Variants in TBC1D14 observed in about 807,000 individuals in gnomAD.
TBC1D14 encodes the protein TBC1 domain family member 14.
TBC1D14 carries 26 observed loss-of-function variants against 79.0 expected under a neutral mutation model. The observed-to-expected ratio is 0.33, with a 90% confidence interval of 0.24 to 0.46. The LOEUF is 0.46. Among genes scored for constraint, TBC1D14 ranks in the 20% least tolerant of loss-of-function variants. The pLI, the probability that TBC1D14 is intolerant of heterozygous loss-of-function variation, is 1.00. For missense variants in TBC1D14, 769 were observed against 887.6 expected (o/e 0.87, Z 1.70); for synonymous variants, 394 against 349.9 (o/e 1.13, Z -1.40).
At chr4:6,969,436 C>T (rs1716022439) in intron 3 of TBC1D14, among the ~76,000 whole-genome samples, 2 of 151,774 alleles carry the variant, frequency 1.3e-5, no homozygotes, top group African/African-American at 4.8e-5. Flanking sequence ...GACGGAGTCT[C>T]ACTCTGTCGC....
Position 7,025,029 on chromosome 4 carries a change from C to T in TBC1D14, c.1783C>T (p.Leu595=), listed in dbSNP as rs369047271. The change falls in exon 13 of 14, where the codon CTG becomes TTG. Residue 595 remains leucine, a synonymous_variant. Coordinates refer to ENST00000409757, the MANE Select transcript of TBC1D14 (RefSeq NM_020773.3). The part of the protein sequence containing the change: ...DWIFTLYSKS[L]PLDLACRIWD... ...GATCTTTACCTTATATAGTAAATCT[C>T]TGCCCCTCGACCTGGCCTGTCGTAT... 5.0e-6 allele frequency: 8 copies of T among 1,614,106 alleles called. No homozygotes were observed. Among genetic ancestry groups the T allele is most frequent in the Non-Finnish European group, 6.8e-6 (8 of 1,180,048 alleles).
chr4:6,911,442 C>G (rs1323993081), intron 1 of TBC1D14, among the ~76,000 whole-genome samples: 1 of 152,236 alleles, frequency 6.6e-6, no homozygotes, highest in Non-Finnish European at 1.5e-5. Context: ...TCGGTATCCT[C>G]CGCTGTTCCA....
chr4:6,962,599 A>G (rs1202415775), intron 2 of TBC1D14, among the ~76,000 whole-genome samples: 1 of 152,062 alleles, frequency 6.6e-6, no homozygotes, highest in Non-Finnish European at 1.5e-5. Flanking sequence ...AAACAAAAGG[A>G]GTCCAGCATT....
intron 2 of TBC1D14, among the ~76,000 whole-genome samples, chr4:6,963,826 C>G (rs1056541963): frequency 1.3e-5 from 2 of 152,202 alleles, no homozygotes; most frequent in African/African-American, 4.8e-5. Flanking sequence ...GACTGAGTCT[C>G]ACTGTGTCAC....
chr4:6,979,125 C>T (rs1717123628), intron 3 of TBC1D14, among the ~76,000 whole-genome samples: 1 of 151,580 alleles, frequency 6.6e-6, no homozygotes, highest in South Asian at 2.1e-4. Context: ...TGGCAAAAAA[C>T]ATAATAGAGA....
intron 2 of TBC1D14, among the ~76,000 whole-genome samples, chr4:6,939,979 G>A (rs957372592): frequency 5.9e-5 from 9 of 152,224 alleles, no homozygotes; most frequent in African/African-American, 2.2e-4. Context: ...TGAGAAATGG[G>A]CACCAGCGGC....
At chr4:6,983,022 T>TA (rs1008625578) in intron 3 of TBC1D14, among the ~76,000 whole-genome samples, 1 of 152,156 alleles carries the variant, frequency 6.6e-6, no homozygotes, top group African/African-American at 2.4e-5. Context: ...CATGTCTACT[T>TA]AAAAGAATTT....
intron 2 of TBC1D14, among the ~76,000 whole-genome samples, chr4:6,931,723 G>C (rs867822476): frequency 2.0e-5 from 3 of 152,038 alleles, no homozygotes; most frequent in African/African-American, 7.2e-5. Context: ...AGTGGCTGCT[G>C]TGTACCAAGC....
chr4:6,938,946 G>A (rs1188077681), intron 2 of TBC1D14, among the ~76,000 whole-genome samples: 1 of 152,028 alleles, frequency 6.6e-6, no homozygotes, highest in East Asian at 1.9e-4. Context: ...TTGTGCAGTA[G>A]TGCAGCAGCG....
intron 2 of TBC1D14, among the ~76,000 whole-genome samples, chr4:6,953,056 C>T (rs1211882406): frequency 6.7e-5 from 9 of 134,730 alleles, no homozygotes; most frequent in African/African-American, 2.5e-4. Context: ...GACAGAGCCT[C>T]GCTCTGTTGC....
chr4:6,941,110 C>T (rs1256031142), intron 2 of TBC1D14, among the ~76,000 whole-genome samples: 1 of 151,782 alleles, frequency 6.6e-6, no homozygotes, highest in African/African-American at 2.4e-5. Context: ...TTCTGAATCC[C>T]ACCTGGGTTT....
chr4:6,989,472 G>A (rs1267070130), intron 3 of TBC1D14, among the ~76,000 whole-genome samples: 1 of 152,186 alleles, frequency 6.6e-6, no homozygotes, highest in African/African-American at 2.4e-5. Flanking sequence ...TTACCTGTCT[G>A]TCCACTCAGC....
chr4:7,004,825 C>G lies in TBC1D14; in HGVS notation c.1271-19C>G. The G allele has an allele frequency of 1.9e-5, 30 of 1,613,572 alleles. No individual in the cohort carries two copies. The highest frequency in any genetic ancestry group is 2.4e-5 in the Non-Finnish European group (28 of 1,179,626). ...AAATACATGTGCACGTAATACTTAC[C>G]CAGAGGCTTTTCTTCCAGAGCTCTT... On this transcript the variant is annotated intron_variant, in intron 7 of 13. Coordinates refer to ENST00000409757, the MANE Select transcript of TBC1D14 (RefSeq NM_020773.3).
intron 5 of TBC1D14, among the ~76,000 whole-genome samples, chr4:6,997,858 T>C (rs2109179405): frequency 6.6e-6 from 1 of 151,976 alleles, no homozygotes; most frequent in African/African-American, 2.4e-5. Flanking sequence ...GTGCTAGGGG[T>C]TGGGGAGACG....
chr4:6,924,089 C>A lies in TBC1D14; in HGVS notation c.700C>A (p.Pro234Thr). Residue 234 changes from proline (P) to threonine (T), a missense_variant, in exon 2 of 14, where the codon CCA becomes ACA. Physicochemically the swap from Pro to Thr is conservative, Grantham distance 38. Around this residue, in one of 2 missense-constraint regions of TBC1D14, gnomAD observed 402 missense variants for 393.2 expected, o/e 1.02. Transcript: ENST00000409757. ...GGGGAGTAAATTGAAAATATTGGGG[C>A]CATTTAGTAACTTCTTTGCAAGGTA... ...EEGSKLKILGPFSNFFARNLL... is the reference protein window; with the variant it reads ...EEGSKLKILGTFSNFFARNLL... The A allele has an allele frequency of 6.2e-7, 1 of 1,612,576 alleles. No homozygotes were observed. The highest frequency in any genetic ancestry group is 8.5e-7 in the Non-Finnish European group (1 of 1,179,356).
intron 2 of TBC1D14, among the ~76,000 whole-genome samples, chr4:6,937,378 C>A (rs745479746): frequency 3.3e-5 from 5 of 152,194 alleles, no homozygotes; most frequent in Admixed American, 2.6e-4. Context: ...GCACTAATCC[C>A]ACTGGGGAGG....
chr4:6,928,242 G>A (rs2108937449), intron 2 of TBC1D14, among the ~76,000 whole-genome samples: 1 of 152,308 alleles, frequency 6.6e-6, no homozygotes, highest in Non-Finnish European at 1.5e-5. Context: ...TGGCAGGCTG[G>A]GAGGTGGGGG....
At chr4:6,911,580 C>G (rs1010308134) in intron 1 of TBC1D14, among the ~76,000 whole-genome samples, 2 of 152,260 alleles carry the variant, frequency 1.3e-5, no homozygotes, top group African/African-American at 4.8e-5. Context: ...CCCTGTGTTC[C>G]TTTAGCCCCT....
At chr4:6,976,432 G>A (rs1208563737) in intron 3 of TBC1D14, among the ~76,000 whole-genome samples, 1 of 152,280 alleles carries the variant, frequency 6.6e-6, no homozygotes, top group East Asian at 1.9e-4. Context: ...AGCAACCAGA[G>A]AAGAACAATG....
Sources: gnomAD v4.1 joint callset for allele counts (sites outside exome capture counted in the v4.1 genomes callset) on GRCh38, gnomAD v4.1.1 for gene constraint, gnomAD v4.1.1 regional missense constraint, MANE v1.5 for transcripts, NCBI Gene and HGNC (gene_info 2026-07-23, HGNC 2026-07-21) for gene names.